The following CDON variants were observed in gnomAD, a reference collection of about 807,000 sequenced individuals.
The protein encoded by CDON is cell adhesion associated, oncogene regulated.
A neutral mutation model predicts 120.9 loss-of-function variants in CDON; 73 were observed. That is an observed-to-expected ratio of 0.60 (90% CI 0.50 to 0.73). CDON has a LOEUF of 0.73. CDON is among the 30% of genes least tolerant of loss of function. The pLI, the probability that CDON is intolerant of heterozygous loss-of-function variation, is 0.00. For synonymous variants in CDON, 566 were observed against 573.5 expected (o/e 0.99, Z 0.19); for missense variants, 1,470 against 1,587.3 (o/e 0.93, Z 1.26).
At chr11:126,041,014 A>C (rs1321279569) in intron 1 of CDON, among the ~76,000 whole-genome samples, 2 of 148,828 alleles carry the variant, frequency 1.3e-5, no homozygotes, top group Non-Finnish European at 3.0e-5. Flanking sequence ...CATGGTGAAA[A>C]CCCGTCTCCA....
intron 1 of CDON, among the ~76,000 whole-genome samples, chr11:126,050,227 A>G (rs1254014292): frequency 7.1e-6 from 1 of 141,630 alleles, no homozygotes; most frequent in Non-Finnish European, 1.5e-5. Flanking sequence ...AAGCAAAAAA[A>G]CAAAAAAAAA....
chr11:125,963,685 T>C (rs943113141), intron 18 of CDON, among the ~76,000 whole-genome samples: 2 of 152,330 alleles, frequency 1.3e-5, no homozygotes, highest in East Asian at 1.9e-4. Context: ...ACTCACTATA[T>C]AGATAATTAA....
intron 7 of CDON, among the ~76,000 whole-genome samples, chr11:126,012,565 C>CTTT (rs755134644): frequency 7.4e-6 from 1 of 135,148 alleles, no homozygotes; most frequent in Non-Finnish European, 1.6e-5. Context: ...CCATGCCTGG[C>CTTT]TTTTTTTTTT....
chr11:126,004,820 G>T (rs777608187), intron 9 of CDON, among the ~76,000 whole-genome samples: 7 of 152,128 alleles, frequency 4.6e-5, no homozygotes, highest in Non-Finnish European at 8.8e-5. Flanking sequence ...CAAAGAAAAT[G>T]ATTTTAAATA....
In CDON at chr11:125,959,914, T is replaced by C. The variant is rs1945593616; in HGVS notation, c.*1028A>G. ...TCAAAAAGAGCCCATAGTGGCCATTTTATAAATTAATGTAATTTTAAAGCA... is the reference window on the plus strand; with the variant it reads ...TCAAAAAGAGCCCATAGTGGCCATTCTATAAATTAATGTAATTTTAAAGCA... On this transcript the variant is annotated 3_prime_UTR_variant, in exon 20 of 20. Transcript: ENST00000531738. 2 of 152,200 alleles carry C rather than the reference T, an allele frequency of 1.3e-5. No homozygotes were observed. Among genetic ancestry groups the C allele is most frequent in the Non-Finnish European group, 2.9e-5 (2 of 68,038 alleles). 9.4% of individuals were successfully genotyped at this position (152,200 alleles called of 1,614,324 possible).
chr11:126,045,515 T>G (rs1948385341), intron 1 of CDON, among the ~76,000 whole-genome samples: 1 of 152,216 alleles, frequency 6.6e-6, no homozygotes, highest in Admixed American at 6.5e-5. Context: ...ATTTTAAATT[T>G]TTGAATTGTG....
rs1486766592 is a variant in CDON, at chr11:126,010,689, C to T, written c.1204G>A (p.Gly402Arg). The T allele has an allele frequency of 1.2e-6, 2 of 1,613,302 alleles. No homozygotes were observed. Among genetic ancestry groups the T allele is most frequent in the African/African-American group, 1.3e-5 (1 of 74,912 alleles). The change falls in exon 8 of 20, where the codon GGA becomes AGA. Residue 402 changes from glycine (G) to arginine (R), a missense_variant. Gly to Arg is a moderately radical substitution (Grantham distance 125). Coordinates refer to ENST00000531738, the MANE Select transcript of CDON (RefSeq NM_001378964.1). ...GCCGTAATTATAACTGGCTTGAATCCACCGTCTATTAAAAAAGTAATTCAC... is the reference window on the plus strand; with the variant it reads ...GCCGTAATTATAACTGGCTTGAATCTACCGTCTATTAAAAAAGTAATTCAC... ...TGRLEIENDG[G>R]FKPVIITAPV... is the part of the protein sequence containing the mutation.
chr11:126,033,783 GCAAA>G (rs1948014213), intron 1 of CDON, among the ~76,000 whole-genome samples: 1 of 152,096 alleles, frequency 6.6e-6, no homozygotes, highest in Non-Finnish European at 1.5e-5. Context: ...GAAAGGAGAG[GCAAA>G]CAGAGTGCTA....
In CDON at chr11:126,062,606, G is replaced by A. The variant is rs1948831574; in HGVS notation, c.-89C>T. ...CTCCGCGGGGCTGGCTAAGCCTCCA[G>A]ACCTCCTGCGCTGCAGCCGGCTCGG... On this transcript the variant is annotated 5_prime_UTR_variant, in exon 1 of 20. Transcript: ENST00000531738. The A allele has an allele frequency of 6.6e-6, 1 of 152,172 alleles. No individual in the cohort carries two copies. Among genetic ancestry groups the A allele is most frequent in the Non-Finnish European group, 1.5e-5 (1 of 68,182 alleles). 9.4% of individuals were successfully genotyped at this position (152,172 alleles called of 1,614,324 possible). A position where few individuals can be genotyped will look rare whatever the true frequency, so the allele number is the denominator to read the frequency against.
At chr11:125,978,862 T>G (rs80107228) in intron 17 of CDON, among the ~76,000 whole-genome samples, 3,897 of 152,338 alleles carry the variant, frequency 0.026, 70 homozygotes, top group Middle Eastern at 0.044. Context: ...TTATTTCAAT[T>G]AGGTCTGTTC....
At position 126,015,284 on chromosome 11, in the gene CDON, C is replaced by A. The variant is rs369170732; in HGVS notation, c.1155G>T (p.Gly385=). 2 of 1,613,992 alleles carry A rather than the reference C, an allele frequency of 1.2e-6. No individual in the cohort carries two copies. Among genetic ancestry groups the A allele is most frequent in the Non-Finnish European group, 1.7e-6 (2 of 1,179,984 alleles). The change falls in exon 7 of 20, where the codon GGG becomes GGT. Residue 385 remains glycine, a synonymous_variant. Coordinates refer to ENST00000531738, the MANE Select transcript of CDON (RefSeq NM_001378964.1). ...VGMYQCVADN[G]IGFMHSTGRL... The stretch of plus-strand genomic sequence containing the variant: ...TTCCAGTAGAGTGCATAAATCCAAT[C>A]CCATTATCTGCTACACACTGATACA...
At chr11:126,004,387 C>A (rs1446773027) in intron 9 of CDON, 3 of 379,384 alleles carry the variant, frequency 7.9e-6, no homozygotes, top group African/African-American at 2.1e-5. Context: ...TGCCTTCTTT[C>A]TTCCTGGGCT....
chr11:126,001,768 T>G lies in CDON; in HGVS notation c.2109A>C (p.Ala703=). 1.2e-6 allele frequency: 2 copies of G among 1,613,788 alleles called. No individual in the cohort carries two copies. The highest frequency in any genetic ancestry group is 8.5e-7 in the Non-Finnish European group (1 of 1,179,666). ...TAAGTACCACTCCAAAATTGTTGTTTGCAGCCTCTGAAACAACGGGATACT... is the reference window on the plus strand; with the variant it reads ...TAAGTACCACTCCAAAATTGTTGTTGGCAGCCTCTGAAACAACGGGATACT... ...IPKYPVVSEA[A]NNNFGVVLTD... The change falls in exon 11 of 20, where the codon GCA becomes GCC. Residue 703 remains alanine, a synonymous_variant. Transcript: ENST00000531738.
At chr11:125,999,149 A>G (rs545021689) in intron 11 of CDON, among the ~76,000 whole-genome samples, 57 of 152,370 alleles carry the variant, frequency 3.7e-4, no homozygotes, top group Non-Finnish European at 7.3e-4. Context: ...GTTAGAAAGC[A>G]ATGAAAACAG....
At chr11:126,021,221 A>G in intron 3 of CDON, 27 bp downstream of exon 3, 1 of 1,612,240 alleles carries the variant, frequency 6.2e-7, no homozygotes, top group Non-Finnish European at 8.5e-7. Context: ...GAAAACCCAT[A>G]CCTAACAGGG....
chr11:126,029,211 A>T (rs1056720713), intron 1 of CDON, among the ~76,000 whole-genome samples: 5 of 152,210 alleles, frequency 3.3e-5, no homozygotes, highest in African/African-American at 1.2e-4. Flanking sequence ...GGATTTTTTT[A>T]AACAATATTC....
In CDON at chr11:125,994,871, C is replaced by T. The variant is rs763648730; in HGVS notation, c.2544G>A (p.Thr848=). The change falls in exon 13 of 20, where the codon ACG becomes ACA. Residue 848 remains threonine (T), a splice_region_variant and synonymous_variant. Transcript: ENST00000531738. ...VSDTQIMLKW[T]YIPSSNNNTP... Reference sequence around the variant, plus strand: ...CTCATTCCAGAAGATGTGTACTGACCGTCCACTTTAGCATGATCTGAGTAT... The same window carrying T: ...CTCATTCCAGAAGATGTGTACTGACTGTCCACTTTAGCATGATCTGAGTAT... The T allele has an allele frequency of 6.2e-6, 10 of 1,612,074 alleles. No homozygotes were observed. Among genetic ancestry groups the T allele is most frequent in the South Asian group, 1.1e-5 (1 of 91,004 alleles).
chr11:126,011,717 T>C (rs567363365), intron 7 of CDON, among the ~76,000 whole-genome samples: 1 of 152,370 alleles, frequency 6.6e-6, no homozygotes, highest in African/African-American at 2.4e-5. Flanking sequence ...GATGTTTTCA[T>C]TTCAATGTGG....
In CDON at chr11:126,015,269, G is replaced by A. The variant is rs1947428639; in HGVS notation, c.1170C>T (p.His390=). The change falls in exon 7 of 20, where the codon CAC becomes CAT. Residue 390 remains histidine (H), a synonymous_variant. Coordinates refer to ENST00000531738, the MANE Select transcript of CDON (RefSeq NM_001378964.1). ...CVADNGIGFM[H]STGRLEIEND... Reference sequence around the variant, plus strand: ...TTTCAATTTCAAGTCTTCCAGTAGAGTGCATAAATCCAATCCCATTATCTG... The same window carrying A: ...TTTCAATTTCAAGTCTTCCAGTAGAATGCATAAATCCAATCCCATTATCTG... 1 of 1,614,050 alleles carries A rather than the reference G, an allele frequency of 6.2e-7. No homozygotes were observed. The highest frequency in any genetic ancestry group is 1.3e-5 in the African/African-American group (1 of 75,012).
Sources: gnomAD v4.1 joint callset for allele counts (sites outside exome capture counted in the v4.1 genomes callset) on GRCh38, gnomAD v4.1.1 for gene constraint, MANE v1.5 for transcripts, NCBI Gene and HGNC (gene_info 2026-07-23, HGNC 2026-07-21) for gene names.